KDM8: variants seen among roughly 807,000 people sequenced by gnomAD.
KDM8 encodes bifunctional peptidase and arginyl-hydroxylase JMJD5.
Under a neutral mutation model 46.9 loss-of-function variants are expected in KDM8, and 35 were observed. The observed-to-expected ratio is 0.75, with a 90% confidence interval of 0.57 to 0.99. The LOEUF is 0.99. Ranked by LOEUF, KDM8 falls within the 50% of genes least tolerant of loss-of-function variation. KDM8 has a pLI of 0.00. For missense variants in KDM8, 475 were observed against 537.0 expected, an observed-to-expected ratio of 0.88 and a Z score of 1.14; for synonymous variants, 232 against 227.7, an observed-to-expected ratio of 1.02 and a Z score of -0.17.
intron 1 of KDM8, chr16:27,204,497 GC>G: frequency 2.4e-6 from 1 of 408,774 alleles, no homozygotes; most frequent in Non-Finnish European, 3.9e-6. Context: ...GTGGAATACT[GC>G]CATAATAACA....
chr16:27,211,029 G>A (rs922674060), intron 2 of KDM8: 7 of 402,136 alleles, frequency 1.7e-5, no homozygotes, highest in African/African-American at 4.2e-5. Context: ...TCCTCCTGTC[G>A]TGGCCTCCCG....
At chr16:27,213,410 C>A in intron 2 of KDM8, 175 bp from the exon 3 acceptor site, 1 of 586,704 alleles carries the variant, frequency 1.7e-6, no homozygotes, top group Non-Finnish European at 2.9e-6. Context: ...CCACCTTGAT[C>A]TCATGAGGAG....
rs1374617548 is a variant in KDM8, at chr16:27,213,693, G to C, written c.607G>C (p.Gly203Arg). 1 of 1,614,210 alleles carries C rather than the reference G, an allele frequency of 6.2e-7. No individual in the cohort carries two copies. Among genetic ancestry groups the C allele is most frequent in the South Asian group, 1.1e-5 (1 of 91,086 alleles). Residue 203 changes from glycine (G) to arginine (R), a missense_variant, in exon 3 of 8, where the codon GGG (glycine) becomes CGG (arginine). Gly to Arg is a moderately radical substitution (Grantham distance 125). Transcript: ENST00000286096. ...QHFREQFLVP[G>R]RPVILKGVAD... ...TTTCAGGGAGCAGTTTTTGGTTCCA[G>C]GGAGGCCCGTGATCCTGAAAGGCGT...
intron 5 of KDM8, among the ~76,000 whole-genome samples, chr16:27,218,724 G>A (rs1306516196): frequency 6.6e-6 from 1 of 152,150 alleles, no homozygotes; most frequent in Non-Finnish European, 1.5e-5. Context: ...GTGCATGCTT[G>A]TAGTCCCAGC....
chr16:27,214,764 T>C, intron 3 of KDM8, 112 bp from the exon 4 acceptor site: 1 of 1,208,000 alleles, frequency 8.3e-7, no homozygotes, highest in South Asian at 1.4e-5. Flanking sequence ...ACAGTCCTTG[T>C]CTCTGCACGT....
chr16:27,203,973 C>T, intron 1 of KDM8: 3 of 748,994 alleles, frequency 4.0e-6, no homozygotes, highest in South Asian at 1.8e-5. Context: ...TGGTGTAGGC[C>T]TAGTGCGCCT....
chr16:27,210,534 CCTT>C lies in KDM8; in HGVS notation c.415_417del (p.Leu139del). On this transcript the variant is annotated inframe_deletion, in exon 2 of 8. Transcript: ENST00000286096. ...TGGGGGCAGCCATCCTGGGGGACAT[CCTT>C]CTTAAAGTCGCTGCCATCCTCCAGA... 6.5e-7 allele frequency: 1 copy of C among 1,541,012 alleles called. No homozygotes were observed. Among genetic ancestry groups the C allele is most frequent in the Non-Finnish European group, 8.8e-7 (1 of 1,142,560 alleles).
intron 2 of KDM8, among the ~76,000 whole-genome samples, chr16:27,212,659 G>T (rs35251698): frequency 1.3e-5 from 2 of 152,170 alleles, no homozygotes; most frequent in African/African-American, 4.8e-5. Context: ...GTTTGAACCC[G>T]TGAGGCAGAG....
chr16:27,204,302 G>A (rs2141995750), intron 1 of KDM8: 1 of 1,386,470 alleles, frequency 7.2e-7, no homozygotes, highest in East Asian at 3.0e-5. Flanking sequence ...TGCTCAGGAG[G>A]ACTCGGGAGC....
At chr16:27,204,434 G>T in intron 1 of KDM8, 1 of 1,112,654 alleles carries the variant, frequency 9.0e-7, no homozygotes, top group Non-Finnish European at 1.2e-6. Flanking sequence ...TCTGGAAAAT[G>T]TTCCAAACTT....
intron 1 of KDM8, among the ~76,000 whole-genome samples, chr16:27,205,272 T>C (rs905541439): frequency 6.6e-6 from 1 of 152,176 alleles, no homozygotes; most frequent in Non-Finnish European, 1.5e-5. Flanking sequence ...TTAGTCTTAT[T>C]TATAAATCCA....
chr16:27,204,064 G>A (rs1377821985), intron 1 of KDM8: 2 of 1,544,148 alleles, frequency 1.3e-6, no homozygotes, highest in East Asian at 5.0e-5. Flanking sequence ...AAGGCAGGCT[G>A]GAAACGATTC....
intron 3 of KDM8, 144 bp downstream of exon 3, chr16:27,213,895 A>C: frequency 1.3e-6 from 1 of 754,908 alleles, no homozygotes; most frequent in Admixed American, 3.1e-5. Flanking sequence ...CAAGGGGTTA[A>C]AAAAGAGTGA....
At chr16:27,206,747 C>T (rs1316098880) in intron 1 of KDM8, among the ~76,000 whole-genome samples, 2 of 152,204 alleles carry the variant, frequency 1.3e-5, no homozygotes, top group African/African-American at 4.8e-5. Context: ...TGAGCCTGGA[C>T]CTGAGGCCAT....
In KDM8 at chr16:27,221,280, C is replaced by G. The variant is rs1249717151; in HGVS notation, c.*550C>G. ...TCCCAATTACTCTGATCCTTTTGCC[C>G]TTCCTTCCCATAACGGCCTGCTGGA... On this transcript the variant is annotated 3_prime_UTR_variant, in exon 8 of 8. Transcript: ENST00000286096. 1.7e-5 allele frequency: 4 copies of G among 231,376 alleles called. No homozygotes were observed. Among genetic ancestry groups the G allele is most frequent in the Non-Finnish European group, 2.6e-5 (3 of 115,434 alleles). 14.3% of individuals were successfully genotyped at this position (231,376 alleles called of 1,614,324 possible).
chr16:27,213,194 T>C (rs2083503397), intron 2 of KDM8: 1 of 159,110 alleles, frequency 6.3e-6, no homozygotes, highest in African/African-American at 2.4e-5. Context: ...TTGCTGTTAC[T>C]CCCAGTGGGT....
intron 1 of KDM8, 21 bp from the exon 2 acceptor site, chr16:27,210,070 CTT>C (rs745893435): frequency 6.4e-7 from 1 of 1,573,590 alleles, no homozygotes; most frequent in East Asian, 2.2e-5. Flanking sequence ...GTGTCTAACT[CTT>C]GTTTCTCTCC....
At chr16:27,213,230 T>TGTGA (rs1249091879) in intron 2 of KDM8, 1 of 168,810 alleles carries the variant, frequency 5.9e-6, no homozygotes, top group Non-Finnish European at 1.2e-5. Context: ...TGTGTGTGTG[T>TGTGA]GTGTGTGTGT....
chr16:27,207,705 G>T (rs1009680490), intron 1 of KDM8, among the ~76,000 whole-genome samples: 1 of 152,180 alleles, frequency 6.6e-6, no homozygotes, highest in Non-Finnish European at 1.5e-5. Context: ...TTCAGCTCCC[G>T]GAGTAGCTGG....
Sources: gnomAD v4.1 joint callset for allele counts (sites outside exome capture counted in the v4.1 genomes callset) on GRCh38, gnomAD v4.1.1 for gene constraint, MANE v1.5 for transcripts, NCBI Gene and HGNC (gene_info 2026-07-23, HGNC 2026-07-21) for gene names.